The following RANBP2 variants were observed in gnomAD, a reference collection of about 807,000 sequenced individuals.
RANBP2 encodes E3 SUMO-protein ligase RanBP2.
Under a neutral mutation model 303.6 loss-of-function variants are expected in RANBP2, and 57 were observed. The ratio of observed to expected loss-of-function variants is 0.19; its 90% CI spans 0.15 to 0.23. The LOEUF is 0.23. RANBP2 is among the 10% of genes least tolerant of loss of function. The pLI is 1.00. For missense variants in RANBP2, 3,138 were observed against 3,780.8 expected (o/e 0.83, Z 4.46); for synonymous variants, 1,167 against 1,301.5 (o/e 0.90, Z 2.23).
the RANBP2 span, among the ~76,000 whole-genome samples, chr2:109,016,067 T>A: frequency 2.7e-5 from 4 of 148,352 alleles, no homozygotes; most frequent in Admixed American, 6.8e-5. Flanking sequence ...GTAGGTGGTG[T>A]TATTGGTTTT....
the RANBP2 span, chr2:109,615,156 G>T: frequency 1.3e-6 from 2 of 1,549,066 alleles, no homozygotes; most frequent in Middle Eastern, 1.7e-4. Context: ...CGTGTGTCCC[G>T]GGGGCAGCAG....
chr2:109,043,909 C>T, the RANBP2 span, among the ~76,000 whole-genome samples: 4 of 152,256 alleles, frequency 2.6e-5, no homozygotes, highest in African/African-American at 9.6e-5. Flanking sequence ...GGAAGCTTCT[C>T]TGGTTGTGGG....
the RANBP2 span, among the ~76,000 whole-genome samples, chr2:109,421,664 G>C: frequency 6.6e-6 from 1 of 152,200 alleles, no homozygotes; most frequent in Admixed American, 6.5e-5. Flanking sequence ...TTCTCCCCCA[G>C]GGGAGGGCAC....
intron 13 of RANBP2, 107 bp from the exon 14 acceptor site, chr2:108,753,319 A>G (rs1452050893): frequency 3.7e-6 from 6 of 1,603,314 alleles, no homozygotes; most frequent in Non-Finnish European, 4.3e-6. Context: ...ACAGAGAAGA[A>G]TAATGAGATG....
At chr2:109,090,348 ACACACACACAC>A in the RANBP2 span, among the ~76,000 whole-genome samples, 1 of 151,106 alleles carries the variant, frequency 6.6e-6, no homozygotes, top group African/African-American at 2.4e-5. Flanking sequence ...ACACACACAC[ACACACACACAC>A]CACGTCTATG....
the RANBP2 span, among the ~76,000 whole-genome samples, chr2:108,980,484 T>C: frequency 1.3e-5 from 2 of 152,104 alleles, no homozygotes; most frequent in African/African-American, 4.8e-5. Flanking sequence ...TTCACATATA[T>C]ATAATACTTA....
chr2:108,744,657 T>C (rs912120800), intron 7 of RANBP2, among the ~76,000 whole-genome samples: 5 of 152,358 alleles, frequency 3.3e-5, no homozygotes, highest in African/African-American at 4.8e-5. Flanking sequence ...ATAGGCAATA[T>C]GAATATTTCT....
chr2:109,729,125 C>T, the RANBP2 span, among the ~76,000 whole-genome samples: 2 of 152,308 alleles, frequency 1.3e-5, no homozygotes, highest in South Asian at 4.1e-4. Context: ...TGCCCTGGGA[C>T]TCCCAGTCCA....
the RANBP2 span, among the ~76,000 whole-genome samples, chr2:108,974,416 T>C: frequency 1.3e-5 from 2 of 149,286 alleles, no homozygotes; most frequent in Non-Finnish European, 3.0e-5. Context: ...TTTATGAACA[T>C]TATCTTAATG....
chr2:109,202,848 G>A, the RANBP2 span, among the ~76,000 whole-genome samples: 1 of 152,238 alleles, frequency 6.6e-6, no homozygotes, highest in African/African-American at 2.4e-5. Context: ...TTTAAGTGTT[G>A]CAGAATTTAT....
At chr2:109,466,646 A>C in the RANBP2 span, among the ~76,000 whole-genome samples, 2 of 152,222 alleles carry the variant, frequency 1.3e-5, no homozygotes, top group Non-Finnish European at 2.9e-5. Context: ...AAAAGGCACC[A>C]CTAAGCCTAA....
chr2:109,062,682 G>A, the RANBP2 span, among the ~76,000 whole-genome samples: 25,668 of 152,104 alleles, frequency 0.17, 2,210 homozygotes, highest in Middle Eastern at 0.2. Context: ...ACCTCCTTCC[G>A]AACAGCGAAT....
At chr2:109,286,898 A>G in the RANBP2 span, among the ~76,000 whole-genome samples, 3 of 152,188 alleles carry the variant, frequency 2.0e-5, no homozygotes, top group Non-Finnish European at 4.4e-5. Context: ...GAAAGCAGTC[A>G]ATGCTGTGAG....
chr2:109,031,842 A>C, the RANBP2 span, among the ~76,000 whole-genome samples: 1 of 152,128 alleles, frequency 6.6e-6, no homozygotes, highest in African/African-American at 2.4e-5. Context: ...TTCTTCAGCA[A>C]CTAAGCTTTT....
At chr2:108,896,712 C>G in the RANBP2 span, 2 of 610,476 alleles carry the variant, frequency 3.3e-6, no homozygotes, top group East Asian at 5.5e-5. Flanking sequence ...CTGAAAGTAT[C>G]CCGGCTCTAG....
At chr2:109,505,765 T>A in the RANBP2 span, among the ~76,000 whole-genome samples, 1 of 152,166 alleles carries the variant, frequency 6.6e-6, no homozygotes, top group African/African-American at 2.4e-5. Flanking sequence ...AGTCTACTTA[T>A]CCAATGTCAA....
At chr2:109,182,141 A>G in the RANBP2 span, among the ~76,000 whole-genome samples, 3 of 152,242 alleles carry the variant, frequency 2.0e-5, no homozygotes, top group African/African-American at 4.8e-5. Flanking sequence ...TTCTGCTGCT[A>G]TAGAAGAATA....
the RANBP2 span, among the ~76,000 whole-genome samples, chr2:108,869,003 G>A: frequency 6.6e-6 from 1 of 152,132 alleles, no homozygotes; most frequent in Admixed American, 6.5e-5. Context: ...TACTTGGAGT[G>A]GGTTTTATTT....
At chr2:109,065,148 C>T in the RANBP2 span, among the ~76,000 whole-genome samples, 1 of 152,124 alleles carries the variant, frequency 6.6e-6, no homozygotes, top group Non-Finnish European at 1.5e-5. Flanking sequence ...GCCCAGCTTC[C>T]AACAAAGCCA....
Sources: allele counts gnomAD v4.1 joint callset (sites outside exome capture counted in the v4.1 genomes callset), GRCh38; gene constraint gnomAD v4.1.1; transcripts MANE v1.5; gene names NCBI Gene and HGNC (gene_info 2026-07-23, HGNC 2026-07-21).